The following PPARGC1B variants were observed in gnomAD, a reference collection of about 807,000 sequenced individuals.
The protein encoded by PPARGC1B is peroxisome proliferator-activated receptor gamma coactivator 1-beta.
In PPARGC1B, 34 loss-of-function variants were observed where a neutral mutation model predicts 101.6. That is an observed-to-expected ratio of 0.33 (90% CI 0.25 to 0.45). The LOEUF (loss-of-function observed/expected upper bound fraction) is 0.45, where lower values mean the gene tolerates loss of function less well. Ranked by LOEUF, PPARGC1B falls within the 20% of genes least tolerant of loss-of-function variation. The pLI is 1.00. For synonymous variants in PPARGC1B, 548 were observed against 539.3 expected (o/e 1.02, Z -0.22); for missense variants, 1,234 against 1,317.6 (o/e 0.94, Z 0.98).
At chr5:149,769,058 A>G (rs926360045) in intron 1 of PPARGC1B, among the ~76,000 whole-genome samples, 2 of 152,224 alleles carry the variant, frequency 1.3e-5, no homozygotes, top group African/African-American at 4.8e-5. Context: ...GCCACTCCCC[A>G]GCACTAGCAT....
At chr5:149,784,854 A>C (rs891426383) in intron 1 of PPARGC1B, among the ~76,000 whole-genome samples, 2 of 151,882 alleles carry the variant, frequency 1.3e-5, no homozygotes, top group African/African-American at 4.8e-5. Context: ...GGCGTGAGCC[A>C]CCGCGCCCGG....
At position 149,748,854 on chromosome 5, in the gene PPARGC1B, C is replaced by T. The variant is rs544046752; in HGVS notation, c.78+18434C>T. Among the ~76,000 whole-genome samples the T allele has an allele frequency of 3.3e-5, 5 of 152,252 alleles. No homozygotes were observed. The South Asian group carries it at 8.3e-4, about 25-fold the overall frequency. ...AAGATGGAACACCAAGATTCTCGTC[C>T]GAGAAACTAGCTGGAGGCTGCTCTG... On this transcript the variant is annotated intron_variant, in intron 1 of 11. Transcript: ENST00000309241.
At position 149,826,837 on chromosome 5, in the gene PPARGC1B, C is replaced by T. The variant is rs764874455; in HGVS notation, c.417C>T (p.Ala139=). ...PAPSSAPPSP[A]PEKPSAPAPE... ...CCTCATCTGCACCCCCCAGCCCTGC[C>T]CCGGAGAAGCCCTCGGCCCCAGCCC... Residue 139 remains alanine (A), a synonymous_variant, in exon 3 of 12, where the codon GCC becomes GCT. Coordinates refer to ENST00000309241, the MANE Select transcript of PPARGC1B (RefSeq NM_133263.4). 6.2e-7 allele frequency: 1 copy of T among 1,613,808 alleles called. No homozygotes were observed. The highest frequency in any genetic ancestry group is 1.1e-5 in the South Asian group (1 of 91,072).
chr5:149,742,350 C>G (rs991904535), intron 1 of PPARGC1B, among the ~76,000 whole-genome samples: 2 of 152,208 alleles, frequency 1.3e-5, no homozygotes, highest in Admixed American at 6.5e-5. Context: ...GTAGTTCCCC[C>G]TCTCAGAACT....
At chr5:149,777,378 C>T (rs1280413701) in intron 1 of PPARGC1B, among the ~76,000 whole-genome samples, 1 of 152,170 alleles carries the variant, frequency 6.6e-6, no homozygotes, top group Non-Finnish European at 1.5e-5. Context: ...CCCTTCCTCC[C>T]CCCACCACCC....
At chr5:149,788,325 A>T (rs1217635423) in intron 1 of PPARGC1B, among the ~76,000 whole-genome samples, 2 of 152,260 alleles carry the variant, frequency 1.3e-5, no homozygotes, top group African/African-American at 4.8e-5. Flanking sequence ...ACATGAAAAA[A>T]TGCTCATCAT....
Position 149,836,775 on chromosome 5 carries a change from G to A in PPARGC1B, c.2320G>A (p.Ala774Thr), listed in dbSNP as rs771936747. The change falls in exon 8 of 12, where the codon GCC becomes ACC. Residue 774 changes from alanine to threonine, a missense_variant. Around this residue, in one of 3 missense-constraint regions of PPARGC1B, gnomAD observed 497 missense variants for 529.5 expected, o/e 0.94. Transcript: ENST00000309241. ...CAAACACTTTGGGCTGCTGGAGACCGCCCTGGAGGAGGAAGACCTGGCCTC... is the reference window on the plus strand; with the variant it reads ...CAAACACTTTGGGCTGCTGGAGACCACCCTGGAGGAGGAAGACCTGGCCTC... ...LTKHFGLLETALEEEDLASCK... is the reference protein window; with the variant it reads ...LTKHFGLLETTLEEEDLASCK... The A allele has an allele frequency of 6.2e-6, 10 of 1,613,500 alleles. No individual in the cohort carries two copies. The highest frequency in any genetic ancestry group is 4.0e-5 in the African/African-American group (3 of 74,930).
intron 1 of PPARGC1B, among the ~76,000 whole-genome samples, chr5:149,798,622 C>T (rs1390179442): frequency 6.6e-6 from 1 of 152,228 alleles, no homozygotes; most frequent in Non-Finnish European, 1.5e-5. Flanking sequence ...TGATTATAAT[C>T]ACATAGCTCC....
At chr5:149,803,197 A>G (rs1480858415) in intron 1 of PPARGC1B, among the ~76,000 whole-genome samples, 1 of 152,102 alleles carries the variant, frequency 6.6e-6, no homozygotes, top group African/African-American at 2.4e-5. Context: ...ATCTCATACT[A>G]TTAGCACAGA....
At chr5:149,748,192 G>T (rs1755155108) in intron 1 of PPARGC1B, among the ~76,000 whole-genome samples, 1 of 152,152 alleles carries the variant, frequency 6.6e-6, no homozygotes, top group Admixed American at 6.5e-5. Context: ...CTCTGAGTCA[G>T]CCTGAGTCCA....
At chr5:149,829,730 A>C (rs1049276873) in intron 3 of PPARGC1B, among the ~76,000 whole-genome samples, 45 of 151,338 alleles carry the variant, frequency 3.0e-4, no homozygotes, top group Non-Finnish European at 5.0e-4. Flanking sequence ...GTAGTCTTCC[A>C]CTTGTGTAAA....
chr5:149,848,156 G>C lies in PPARGC1B; in HGVS notation c.*598G>C, dbSNP rs1264778130. The C allele has an allele frequency of 6.5e-6, 1 of 153,120 alleles. No individual in the cohort carries two copies. Among genetic ancestry groups the C allele is most frequent in the African/African-American group, 2.4e-5 (1 of 41,484 alleles). The allele number at this position is 153,120 out of a possible 1,614,324, so 9.5% of individuals were successfully genotyped here. A position where few individuals can be genotyped will look rare whatever the true frequency, so the allele number is the denominator to read the frequency against. On this transcript the variant is annotated 3_prime_UTR_variant, in exon 12 of 12. Transcript: ENST00000309241. ...CCCTGGAGGTGCTGGGTGGCCGCTAGGCTGGTCTGCAGGAAAGCGCGGCCT... is the reference window on the plus strand; with the variant it reads ...CCCTGGAGGTGCTGGGTGGCCGCTACGCTGGTCTGCAGGAAAGCGCGGCCT...
intron 1 of PPARGC1B, among the ~76,000 whole-genome samples, chr5:149,763,237 C>T (rs1003280067): frequency 6.6e-5 from 10 of 152,214 alleles, no homozygotes; most frequent in Non-Finnish European, 5.9e-5. Flanking sequence ...CTCAGGGGAG[C>T]TTCATCGTGG....
chr5:149,751,424 G>A (rs1264081993), intron 1 of PPARGC1B, among the ~76,000 whole-genome samples: 1 of 152,098 alleles, frequency 6.6e-6, no homozygotes, highest in Admixed American at 6.5e-5. Flanking sequence ...AACTAATCCC[G>A]GCCGGGCACG....
chr5:149,759,944 A>G (rs1581021794), intron 1 of PPARGC1B, among the ~76,000 whole-genome samples: 1 of 152,196 alleles, frequency 6.6e-6, no homozygotes, highest in East Asian at 1.9e-4. Flanking sequence ...CTTCCATGTT[A>G]GACTCATTCA....
chr5:149,765,061 G>A (rs1755856813), intron 1 of PPARGC1B, among the ~76,000 whole-genome samples: 1 of 151,264 alleles, frequency 6.6e-6, no homozygotes, highest in African/African-American at 2.4e-5. Context: ...AAACACACAT[G>A]TCCTTTACCA....
At chr5:149,786,415 A>G (rs1756811715) in intron 1 of PPARGC1B, among the ~76,000 whole-genome samples, 2 of 151,458 alleles carry the variant, frequency 1.3e-5, no homozygotes, top group African/African-American at 2.4e-5. Context: ...TATTTTTTAT[A>G]GAGACAGAGT....
intron 2 of PPARGC1B, among the ~76,000 whole-genome samples, chr5:149,821,839 G>A (rs1389342079): frequency 6.6e-6 from 1 of 152,204 alleles, no homozygotes; most frequent in African/African-American, 2.4e-5. Context: ...GAGTGGTCGG[G>A]AAAGGCCTCT....
chr5:149,762,804 T>A (rs1276656772), intron 1 of PPARGC1B, among the ~76,000 whole-genome samples: 1 of 152,114 alleles, frequency 6.6e-6, no homozygotes, highest in African/African-American at 2.4e-5. Context: ...CCCCTTTTTT[T>A]AGAGATGGGT....
Sources: allele counts gnomAD v4.1 joint callset (sites outside exome capture counted in the v4.1 genomes callset), GRCh38; gene constraint gnomAD v4.1.1; regional missense constraint gnomAD v4.1.1; transcripts MANE v1.5; gene names NCBI Gene and HGNC (gene_info 2026-07-23, HGNC 2026-07-21).